The following LMBRD1 variants were observed in gnomAD, a reference collection of about 807,000 sequenced individuals.
LMBRD1 encodes LMBR1 domain containing 1, also known as lysosomal cobalamin transport escort protein LMBD1.
Under a neutral mutation model 74.8 loss-of-function variants are expected in LMBRD1, and 64 were observed. The observed-to-expected ratio is 0.86, with a 90% CI of 0.70 to 1.05. The LOEUF (loss-of-function observed/expected upper bound fraction) is 1.05. Among genes scored for constraint, LMBRD1 ranks in the 50% least tolerant of loss-of-function variants. LMBRD1 has a pLI of 0.00. For synonymous variants in LMBRD1, 204 were observed against 216.3 expected (o/e 0.94, Z 0.50); for missense variants, 652 against 645.9 (o/e 1.01, Z -0.10).
chr6:69,760,420 T>A (rs1470725742), intron 3 of LMBRD1, among the ~76,000 whole-genome samples: 2 of 152,042 alleles, frequency 1.3e-5, no homozygotes, highest in Non-Finnish European at 2.9e-5. Context: ...CAAACTAAAT[T>A]TAGAGTATTT....
intron 7 of LMBRD1, among the ~76,000 whole-genome samples, chr6:69,730,535 G>C (rs1766832684): frequency 6.6e-6 from 1 of 152,070 alleles, no homozygotes; most frequent in Non-Finnish European, 1.5e-5. Context: ...TATAATTGAA[G>C]GCTAGGCAGA....
intron 1 of LMBRD1, among the ~76,000 whole-genome samples, chr6:69,794,042 T>A (rs1037665084): frequency 1.4e-4 from 22 of 152,178 alleles, no homozygotes; most frequent in African/African-American, 5.1e-4. Flanking sequence ...ATTTAGTAGA[T>A]GATTGGCAGA....
intron 3 of LMBRD1, among the ~76,000 whole-genome samples, chr6:69,772,019 T>TAG (rs1765587040): frequency 6.6e-6 from 1 of 152,226 alleles, no homozygotes; most frequent in African/African-American, 2.4e-5. Flanking sequence ...TGAGAAACTC[T>TAG]ATCCTTCTTG....
chr6:69,703,206 T>C (rs1224732773), intron 9 of LMBRD1, among the ~76,000 whole-genome samples: 1 of 152,084 alleles, frequency 6.6e-6, no homozygotes, highest in Non-Finnish European at 1.5e-5. Flanking sequence ...TGCTCATTAG[T>C]AGAGGGTATA....
chr6:69,678,921 T>A (rs1765603466), intron 14 of LMBRD1, among the ~76,000 whole-genome samples: 2 of 152,020 alleles, frequency 1.3e-5, no homozygotes, highest in African/African-American at 4.8e-5. Context: ...GCTTCAGATA[T>A]GTGATGTAAA....
chr6:69,705,056 C>T (rs544455254), intron 9 of LMBRD1, among the ~76,000 whole-genome samples: 16 of 152,014 alleles, frequency 1.1e-4, no homozygotes, highest in African/African-American at 3.6e-4. Context: ...CTACTATGTC[C>T]TATCATAACA....
chr6:69,731,648 T>C (rs576959689), intron 7 of LMBRD1, among the ~76,000 whole-genome samples: 1 of 152,246 alleles, frequency 6.6e-6, no homozygotes, highest in African/African-American at 2.4e-5. Flanking sequence ...CTAATGTAAG[T>C]GTTCTGAGCA....
At chr6:69,702,493 T>C (rs1204470432) in intron 9 of LMBRD1, among the ~76,000 whole-genome samples, 1 of 151,982 alleles carries the variant, frequency 6.6e-6, no homozygotes, top group African/African-American at 2.4e-5. Context: ...GAAAAAATTG[T>C]CAGGTAAAAC....
intron 1 of LMBRD1, among the ~76,000 whole-genome samples, chr6:69,791,147 C>CA: frequency 6.6e-6 from 1 of 152,322 alleles, no homozygotes; most frequent in East Asian, 1.9e-4. Flanking sequence ...GTGACTAACA[C>CA]AGAGCATAGG....
chr6:69,779,353 T>G (rs1255683179), intron 3 of LMBRD1, among the ~76,000 whole-genome samples: 1 of 152,200 alleles, frequency 6.6e-6, no homozygotes, highest in Non-Finnish European at 1.5e-5. Context: ...TTACACTTTT[T>G]TTTATAAAAC....
At chr6:69,748,139 T>C (rs1265343259) in intron 5 of LMBRD1, among the ~76,000 whole-genome samples, 2 of 152,222 alleles carry the variant, frequency 1.3e-5, no homozygotes, top group Non-Finnish European at 2.9e-5. Flanking sequence ...ACAGTCATGT[T>C]CTTTGTTTAT....
At chr6:69,723,925 A>T (rs1353993735) in intron 7 of LMBRD1, among the ~76,000 whole-genome samples, 1 of 152,036 alleles carries the variant, frequency 6.6e-6, no homozygotes, top group Non-Finnish European at 1.5e-5. Flanking sequence ...CAGACTAAGA[A>T]AAAGACAGAA....
Position 69,701,966 on chromosome 6 carries a change from A to G in LMBRD1, c.916-13T>C, listed in dbSNP as rs955145103. The G allele has an allele frequency of 1.3e-6, 2 of 1,503,020 alleles. No homozygotes were observed. The highest frequency in any genetic ancestry group is 1.9e-6 in the Non-Finnish European group (2 of 1,080,316). 93.1% of individuals were successfully genotyped at this position (1,503,020 alleles called of 1,614,324 possible). On this transcript the variant is annotated splice_polypyrimidine_tract_variant and intron_variant, in intron 9 of 15. Coordinates refer to ENST00000649934, the MANE Select transcript of LMBRD1 (RefSeq NM_018368.4). ...TTCCCCAGACGATCTAAAAGCAAAA[A>G]TATATTCATTAAAATATAGTTCTAA...
At chr6:69,731,756 A>C (rs1186188561) in intron 7 of LMBRD1, among the ~76,000 whole-genome samples, 1 of 152,142 alleles carries the variant, frequency 6.6e-6, no homozygotes, top group African/African-American at 2.4e-5. Context: ...TTTCAAACTG[A>C]AAATATTTTC....
chr6:69,675,189 A>G lies in LMBRD1; in HGVS notation c.*969T>C, dbSNP rs1314728052. 6.6e-6 allele frequency among the ~76,000 whole-genome samples: 1 copy of G among 152,164 alleles called. No individual in the cohort carries two copies. Among genetic ancestry groups the G allele is most frequent in the African/African-American group, 2.4e-5 (1 of 41,442 alleles). ...GTTGTTAATTCCTAAACTTTTTTTCAGAAACTTAATGATATTTTACCTCAA... is the reference window on the plus strand; with the variant it reads ...GTTGTTAATTCCTAAACTTTTTTTCGGAAACTTAATGATATTTTACCTCAA... On this transcript the variant is annotated 3_prime_UTR_variant, in exon 16 of 16. Coordinates refer to ENST00000649934, the MANE Select transcript of LMBRD1 (RefSeq NM_018368.4).
intron 14 of LMBRD1, among the ~76,000 whole-genome samples, chr6:69,683,077 A>C (rs1765695734): frequency 6.6e-6 from 1 of 151,990 alleles, no homozygotes; most frequent in Non-Finnish European, 1.5e-5. Context: ...ATTTTAGTTA[A>C]ACTTCTATCA....
intron 3 of LMBRD1, among the ~76,000 whole-genome samples, chr6:69,757,024 G>C (rs3778242): frequency 0.37 from 56,115 of 152,016 alleles, 10,835 homozygotes; most frequent in East Asian, 0.54. Context: ...TAATGATGTT[G>C]AGAGAAATAT....
chr6:69,694,328 G>A (rs1255491684), intron 14 of LMBRD1, among the ~76,000 whole-genome samples: 1 of 152,052 alleles, frequency 6.6e-6, no homozygotes, highest in Non-Finnish European at 1.5e-5. Flanking sequence ...TGACTTCTTA[G>A]TTAAAAACAA....
chr6:69,788,741 A>G (rs1056953160), intron 2 of LMBRD1, among the ~76,000 whole-genome samples: 8 of 152,242 alleles, frequency 5.3e-5, no homozygotes, highest in African/African-American at 1.9e-4. Context: ...AATTAAGTTT[A>G]TATTTTGAAA....
Sources: gnomAD v4.1 joint callset for allele counts (sites outside exome capture counted in the v4.1 genomes callset) on GRCh38, gnomAD v4.1.1 for gene constraint, MANE v1.5 for transcripts, NCBI Gene and HGNC (gene_info 2026-07-23, HGNC 2026-07-21) for gene names.